Variants in MYCBP2 observed in about 807,000 individuals in gnomAD.
MYCBP2 encodes the protein MYC binding protein 2.
MYCBP2 carries 120 observed loss-of-function variants against 525.3 expected under a neutral mutation model. That is an observed-to-expected ratio of 0.23 (90% CI 0.20 to 0.27). The LOEUF is 0.27. Among genes scored for constraint, MYCBP2 ranks in the 10% least tolerant of loss-of-function variants. The pLI, the probability that MYCBP2 is intolerant of heterozygous loss-of-function variation, is 1.00. For synonymous variants in MYCBP2, 1,894 were observed against 1,955.8 expected (o/e 0.97, Z 0.83); for missense variants, 4,149 against 5,657.1 (o/e 0.73, Z 8.55).
intron 55 of MYCBP2, among the ~76,000 whole-genome samples, chr13:77,111,197 T>C (rs928085202): frequency 6.6e-6 from 1 of 152,170 alleles, no homozygotes; most frequent in Non-Finnish European, 1.5e-5. Flanking sequence ...AATAATTTTC[T>C]ATTTTCAACT....
At chr13:77,192,822 A>T (rs2061410849) in intron 27 of MYCBP2, among the ~76,000 whole-genome samples, 1 of 152,130 alleles carries the variant, frequency 6.6e-6, no homozygotes, top group Non-Finnish European at 1.5e-5. Context: ...TTCGACTCAA[A>T]CTCATATGGT....
intron 63 of MYCBP2, 151 bp from the exon 64 acceptor site, chr13:77,082,144 CT>C (rs1156502974): frequency 1.5e-6 from 1 of 674,762 alleles, no homozygotes; most frequent in African/African-American, 1.8e-5. Context: ...AAAATCATTC[CT>C]ATTGTTTTTG....
Position 77,262,063 on chromosome 13 carries a change from G to T in MYCBP2, c.1637C>A (p.Ala546Glu), listed in dbSNP as rs752026081. ...AAGAGAATAATTTACCTTTCCATTTGCTGTTTTCATTAGCGCAAACTCTCG... is the reference window on the plus strand; with the variant it reads ...AAGAGAATAATTTACCTTTCCATTTTCTGTTTTCATTAGCGCAAACTCTCG... ...AGREFALMKT[A>E]NGKIYYTGKY... The change falls in exon 11 of 83, where the codon GCA becomes GAA. Residue 546 changes from alanine to glutamate, a missense_variant. Physicochemically the swap from Ala to Glu is moderately radical, Grantham distance 107. This residue lies in a region of MYCBP2 where 262 missense variants were observed against 419.3 expected (regional missense o/e 0.62). Transcript: ENST00000544440. 1.9e-6 allele frequency: 3 copies of T among 1,609,452 alleles called. No individual in the cohort carries two copies. The South Asian group carries it at 3.3e-5, about 18-fold the overall frequency.
At position 77,156,104 on chromosome 13, in the gene MYCBP2, T is replaced by C. The variant is rs1259867345; in HGVS notation, c.6869A>G (p.Gln2290Arg). Residue 2290 changes from glutamine to arginine, a missense_variant, in exon 46 of 83, where the codon CAA (glutamine) becomes CGA (arginine). Around this residue, in one of 21 missense-constraint regions of MYCBP2, gnomAD observed 692 missense variants for 852.7 expected, o/e 0.81. Transcript: ENST00000544440. ...CACATCCCCATACTGGTCTTTTGTT[T>C]GAACAGTTATGGTGGTAGGCCAACC... is the stretch of plus-strand genomic sequence containing the variant. Reference protein sequence around the residue: ...RCGWPTTITVQTKDQYGDVVH... With the variant: ...RCGWPTTITVRTKDQYGDVVH... 1.2e-6 allele frequency: 2 copies of C among 1,613,920 alleles called. No homozygotes were observed. The highest frequency in any genetic ancestry group is 2.7e-5 in the African/African-American group (2 of 74,928).
Position 77,201,692 on chromosome 13 carries a change from T to A in MYCBP2, c.3843+3564A>T, listed in dbSNP as rs1473092325. ...AAAGAACAGAAATTATAACAAACTG[T>A]CTCTCAGACCACAGTGCAATCAAAC... On this transcript the variant is annotated intron_variant, in intron 26 of 82. Transcript: ENST00000544440. 2.6e-5 allele frequency among the ~76,000 whole-genome samples: 4 copies of A among 151,714 alleles called. No homozygotes were observed. The East Asian group carries it at 7.8e-4, about 29-fold the overall frequency.
At chr13:77,324,868 G>A (rs1199795725) in intron 1 of MYCBP2, among the ~76,000 whole-genome samples, 1 of 152,216 alleles carries the variant, frequency 6.6e-6, no homozygotes, top group African/African-American at 2.4e-5. Flanking sequence ...TAAATTCTTT[G>A]AGAGGAGTTT....
chr13:77,322,709 T>C (rs1044171501), intron 1 of MYCBP2, among the ~76,000 whole-genome samples: 7 of 152,150 alleles, frequency 4.6e-5, no homozygotes, highest in African/African-American at 1.4e-4. Flanking sequence ...TAGAAAAAGG[T>C]AGACGTGAAC....
intron 4 of MYCBP2, among the ~76,000 whole-genome samples, chr13:77,274,762 G>C (rs185359416): frequency 2.3e-4 from 35 of 151,898 alleles, no homozygotes; most frequent in Admixed American, 1.9e-3. Context: ...CTTACCATTC[G>C]CTTTTGCCCC....
intron 82 of MYCBP2, among the ~76,000 whole-genome samples, chr13:77,048,845 C>A (rs1433788472): frequency 6.6e-6 from 1 of 151,796 alleles, no homozygotes; most frequent in Non-Finnish European, 1.5e-5. Context: ...CAGCTACTAC[C>A]CACCACTGAG....
chr13:77,130,461 C>A (rs983718156), intron 52 of MYCBP2, among the ~76,000 whole-genome samples: 1 of 151,040 alleles, frequency 6.6e-6, no homozygotes, highest in African/African-American at 2.4e-5. Context: ...GGGTACACAC[C>A]CATCTACATA....
chr13:77,106,974 A>G (rs1459525674), intron 55 of MYCBP2, among the ~76,000 whole-genome samples: 1 of 152,202 alleles, frequency 6.6e-6, no homozygotes, highest in Non-Finnish European at 1.5e-5. Flanking sequence ...ACAATGGTCA[A>G]ATAGCACTGT....
chr13:77,171,382 C>G, intron 38 of MYCBP2, 110 bp downstream of exon 38: 2 of 1,115,378 alleles, frequency 1.8e-6, no homozygotes, highest in Non-Finnish European at 2.6e-6. Context: ...ATAAATAACA[C>G]TTAGATTCTA....
At chr13:77,136,116 G>A (rs560586224) in intron 52 of MYCBP2, among the ~76,000 whole-genome samples, 1 of 152,326 alleles carries the variant, frequency 6.6e-6, no homozygotes, top group Admixed American at 6.5e-5. Flanking sequence ...ACCGTGCCCA[G>A]CCTGTTTTTA....
chr13:77,296,776 T>G, intron 1 of MYCBP2, 102 bp from the exon 2 acceptor site: 1 of 939,622 alleles, frequency 1.1e-6, no homozygotes, highest in South Asian at 2.0e-5. Flanking sequence ...TTGGATCTTT[T>G]TCTTGCAAAA....
At chr13:77,198,380 C>G (rs2061994928) in intron 26 of MYCBP2, among the ~76,000 whole-genome samples, 1 of 152,122 alleles carries the variant, frequency 6.6e-6, no homozygotes, top group East Asian at 1.9e-4. Flanking sequence ...GGTTGGGCCT[C>G]CATGGGGAAT....
intron 15 of MYCBP2, among the ~76,000 whole-genome samples, chr13:77,248,779 C>G (rs1293857255): frequency 6.6e-6 from 1 of 152,048 alleles, no homozygotes; most frequent in Non-Finnish European, 1.5e-5. Context: ...CCCAAAAGAA[C>G]TGAAAACAGG....
At chr13:77,076,663 C>T (rs2042356124) in intron 68 of MYCBP2, 88 bp downstream of exon 68, 1 of 718,822 alleles carries the variant, frequency 1.4e-6, no homozygotes, top group Admixed American at 2.7e-5. Flanking sequence ...ATTACATATC[C>T]ATCAAAATAT....
chr13:77,131,513 A>ACAC (rs1566645430), intron 52 of MYCBP2, among the ~76,000 whole-genome samples: 4 of 59,096 alleles, frequency 6.8e-5, no homozygotes, highest in African/African-American at 9.1e-5. Flanking sequence ...CACACACACA[A>ACAC]ACAAACACAC....
chr13:77,110,406 C>T (rs2048618678), intron 55 of MYCBP2, among the ~76,000 whole-genome samples: 1 of 152,140 alleles, frequency 6.6e-6, no homozygotes, highest in Non-Finnish European at 1.5e-5. Flanking sequence ...CAGATCGGTT[C>T]TCTGCTCTTG....
Sources: allele counts gnomAD v4.1 joint callset (sites outside exome capture counted in the v4.1 genomes callset), GRCh38; gene constraint gnomAD v4.1.1; regional missense constraint gnomAD v4.1.1; transcripts MANE v1.5; gene names NCBI Gene and HGNC (gene_info 2026-07-23, HGNC 2026-07-21).